Variants in ATAD2B observed in about 807,000 individuals in gnomAD.
ATAD2B encodes ATPase family AAA domain-containing protein 2B.
Under a neutral mutation model 167.6 loss-of-function variants are expected in ATAD2B, and 40 were observed. That is an observed-to-expected ratio of 0.24 (90% CI 0.19 to 0.31). The LOEUF (loss-of-function observed/expected upper bound fraction) is 0.31, where lower values mean the gene tolerates loss of function less well. Among genes scored for constraint, ATAD2B ranks in the 10% least tolerant of loss-of-function variants. The pLI is 1.00. For missense variants in ATAD2B, 1,242 were observed against 1,757.2 expected (o/e 0.71, Z 5.24); for synonymous variants, 579 against 596.5 (o/e 0.97, Z 0.43).
At chr2:23,690,157 G>GTGCC in the ATAD2B span, 1 of 152,256 alleles carries the variant, frequency 6.6e-6, no homozygotes, top group African/African-American at 2.4e-5. Context: ...TGGGAGGGCG[G>GTGCC]TGCCTGACCT....
chr2:23,911,344 C>G (rs1702271934), intron 1 of ATAD2B, among the ~76,000 whole-genome samples: 2 of 152,076 alleles, frequency 1.3e-5, no homozygotes. Context: ...CGCTTGAGCC[C>G]AGGAGTTTGA....
intron 1 of ATAD2B, among the ~76,000 whole-genome samples, chr2:23,917,253 G>C (rs1703175248): frequency 6.6e-6 from 1 of 152,146 alleles, no homozygotes; most frequent in African/African-American, 2.4e-5. Flanking sequence ...CCAAATTTCT[G>C]TCTGGCAAGA....
chr2:23,848,310 T>G (rs752787240), intron 13 of ATAD2B, among the ~76,000 whole-genome samples: 4 of 151,360 alleles, frequency 2.6e-5, no homozygotes, highest in African/African-American at 4.9e-5. Flanking sequence ...CGAGACCGTG[T>G]CTCTACTAAA....
rs33911389 is a variant in ATAD2B, at chr2:23,822,917, C to CAAAAA, written c.2131+336_2131+340dup. On this transcript the variant is annotated intron_variant, in intron 16 of 27. Coordinates refer to ENST00000238789, the MANE Select transcript of ATAD2B (RefSeq NM_017552.4). ...GGGCAACAAGAGCGAAACTCCATCTCAAAAAAAAAAAAAAAAAAAAAAAAG... is the reference window on the plus strand; with the variant it reads ...GGGCAACAAGAGCGAAACTCCATCTCAAAAAAAAAAAAAAAAAAAAAAAAAAAAAG... 2.9e-4 allele frequency among the ~76,000 whole-genome samples: 19 copies of CAAAAA among 66,300 alleles called. 1 individual carries two copies. The highest frequency in any genetic ancestry group is 7.2e-4 in the South Asian group (1 of 1,384). 43.5% of individuals were successfully genotyped at this position (66,300 alleles called of 152,430 possible).
At chr2:23,906,058 T>C (rs1701436115) in intron 1 of ATAD2B, among the ~76,000 whole-genome samples, 1 of 152,096 alleles carries the variant, frequency 6.6e-6, no homozygotes, top group South Asian at 2.1e-4. Context: ...AAAGGTCGGC[T>C]GGGTGCGGTG....
intron 17 of ATAD2B, among the ~76,000 whole-genome samples, chr2:23,816,579 T>C (rs1412686008): frequency 6.6e-6 from 1 of 152,156 alleles, no homozygotes; most frequent in Non-Finnish European, 1.5e-5. Flanking sequence ...GGTCTATACA[T>C]TATACATGCA....
At chr2:23,881,570 C>T (rs1238365049) in intron 6 of ATAD2B, among the ~76,000 whole-genome samples, 1 of 151,596 alleles carries the variant, frequency 6.6e-6, no homozygotes, top group African/African-American at 2.4e-5. Context: ...ACCATATTGG[C>T]CAAGATGGTC....
At chr2:23,875,478 C>G (rs1305382557) in intron 8 of ATAD2B, among the ~76,000 whole-genome samples, 2 of 150,940 alleles carry the variant, frequency 1.3e-5, no homozygotes, top group Non-Finnish European at 2.9e-5. Context: ...CAGCCTCCAG[C>G]CTGAGGGACA....
At chr2:23,731,168 C>T in the ATAD2B span, among the ~76,000 whole-genome samples, 1 of 151,982 alleles carries the variant, frequency 6.6e-6, no homozygotes, top group East Asian at 1.9e-4. Flanking sequence ...CATAATAATA[C>T]CAAATTAACT....
chr2:23,800,344 T>C (rs1683287833), intron 18 of ATAD2B, among the ~76,000 whole-genome samples: 1 of 152,278 alleles, frequency 6.6e-6, no homozygotes, highest in South Asian at 2.1e-4. Context: ...AACATGCCTT[T>C]AAAAAAATGA....
chr2:23,910,916 T>G (rs559245876), intron 1 of ATAD2B, among the ~76,000 whole-genome samples: 7 of 147,864 alleles, frequency 4.7e-5, no homozygotes, highest in African/African-American at 1.7e-4. Flanking sequence ...GAGGAGCACG[T>G]TAAAGAGTCT....
At chr2:23,790,681 C>T (rs966639224) in intron 19 of ATAD2B, among the ~76,000 whole-genome samples, 1 of 152,172 alleles carries the variant, frequency 6.6e-6, no homozygotes, top group Non-Finnish European at 1.5e-5. Flanking sequence ...CCATAATTCC[C>T]AGAACAAATC....
At chr2:23,762,096 G>C (rs1676818709) in intron 24 of ATAD2B, 113 bp downstream of exon 24, 1 of 1,094,638 alleles carries the variant, frequency 9.1e-7, no homozygotes, top group Non-Finnish European at 1.3e-6. Context: ...TCTGAAAAGA[G>C]ATTAAAAGAG....
At chr2:23,691,539 G>C in the ATAD2B span, 2 of 669,768 alleles carry the variant, frequency 3.0e-6, no homozygotes, top group Non-Finnish European at 5.2e-6. Context: ...ATTAGGTTCA[G>C]GTGTGTCATT....
At chr2:23,913,051 G>C (rs910329751) in intron 1 of ATAD2B, among the ~76,000 whole-genome samples, 2 of 152,102 alleles carry the variant, frequency 1.3e-5, no homozygotes, top group East Asian at 1.9e-4. Context: ...AGAGATTTTT[G>C]AGTATCTGAC....
chr2:23,710,639 G>C, the ATAD2B span, among the ~76,000 whole-genome samples: 215 of 152,270 alleles, frequency 1.4e-3, no homozygotes, highest in Middle Eastern at 3.4e-3. Context: ...ATACCCAGAG[G>C]TTCCCCATTC....
the ATAD2B span, among the ~76,000 whole-genome samples, chr2:23,733,719 T>C: frequency 6.6e-6 from 1 of 152,052 alleles, no homozygotes; most frequent in Non-Finnish European, 1.5e-5. Flanking sequence ...TTCTTTACCC[T>C]CATCCCCAAC....
In ATAD2B at chr2:23,878,010, C is replaced by CAAAAAAAAAAAAAA. The variant is rs1283016862; in HGVS notation, c.902-2107_902-2106insTTTTTTTTTTTTTT. 1.1e-3 allele frequency among the ~76,000 whole-genome samples: 32 copies of CAAAAAAAAAAAAAA among 28,608 alleles called. 9 individuals carry two copies. The highest frequency in any genetic ancestry group is 1.6e-3 in the African/African-American group (13 of 8,032). The allele number at this position is 28,608 out of a possible 152,430, so 18.8% of individuals were successfully genotyped here. On this transcript the variant is annotated intron_variant, in intron 7 of 27. Coordinates refer to ENST00000238789, the MANE Select transcript of ATAD2B (RefSeq NM_017552.4). ...ACTCCAGCCTGGATGACCCTATCTC[C>CAAAAAAAAAAAAAA]AAAGAAAAAAAAAAAAAAAAAAAAA...
intron 19 of ATAD2B, among the ~76,000 whole-genome samples, chr2:23,797,344 A>G (rs1397167524): frequency 6.6e-6 from 1 of 152,048 alleles, no homozygotes; most frequent in African/African-American, 2.4e-5. Flanking sequence ...ATGATCTACT[A>G]TTTTTTTCTG....
Sources: allele counts gnomAD v4.1 joint callset (sites outside exome capture counted in the v4.1 genomes callset), GRCh38; gene constraint gnomAD v4.1.1; transcripts MANE v1.5; gene names NCBI Gene and HGNC (gene_info 2026-07-23, HGNC 2026-07-21).